MCCC1: variants seen among roughly 807,000 people sequenced by gnomAD.
MCCC1 encodes methylcrotonyl-CoA carboxylase subunit 1.
A neutral mutation model predicts 83.8 loss-of-function variants in MCCC1; 64 were observed. The ratio of observed to expected loss-of-function variants is 0.76; its 90% CI spans 0.62 to 0.94. The LOEUF is 0.94. MCCC1 is among the 40% of genes least tolerant of loss of function. The probability of loss-of-function intolerance (pLI) is 0.00; values close to 1 mark genes in which losing one functional copy is unlikely to be tolerated. For synonymous variants in MCCC1, 322 were observed against 315.4 expected (o/e 1.02, Z -0.22); for missense variants, 807 against 904.7 (o/e 0.89, Z 1.39).
At chr3:183,097,874 A>G (rs1472961673) in intron 1 of MCCC1, among the ~76,000 whole-genome samples, 10 of 152,116 alleles carry the variant, frequency 6.6e-5, no homozygotes, top group Admixed American at 5.9e-4. Context: ...CCAGAAGAAC[A>G]AGAAGAACAT....
intron 8 of MCCC1, 77 bp from the exon 9 acceptor site, chr3:183,052,317 A>C: frequency 8.0e-7 from 1 of 1,250,672 alleles, no homozygotes; most frequent in Admixed American, 1.7e-5. Context: ...CAATTCAGTC[A>C]GGTGCCACAT....
chr3:183,109,925 G>T (rs1165683948), intron 1 of MCCC1, among the ~76,000 whole-genome samples: 1 of 152,050 alleles, frequency 6.6e-6, no homozygotes, highest in Non-Finnish European at 1.5e-5. Context: ...TTATGTTTTT[G>T]ACTTTTTAAT....
chr3:183,106,096 A>AAAAAAAAAAAAAAAAAAC (rs60153007), intron 1 of MCCC1, among the ~76,000 whole-genome samples: 1 of 151,138 alleles, frequency 6.6e-6, no homozygotes, highest in African/African-American at 2.4e-5. Context: ...AAAAAAAAAA[A>AAAAAAAAAAAAAAAAAAC]GACTACCAAA....
chr3:183,052,332 A>G (rs1218131309), intron 8 of MCCC1, 92 bp from the exon 9 acceptor site: 12 of 1,117,662 alleles, frequency 1.1e-5, no homozygotes, highest in Admixed American at 1.8e-5. Context: ...CCACATAATG[A>G]CGTTTCTTAG....
At chr3:183,032,699 C>T (rs1713178913) in intron 14 of MCCC1, among the ~76,000 whole-genome samples, 2 of 151,894 alleles carry the variant, frequency 1.3e-5, no homozygotes, top group African/African-American at 2.4e-5. Context: ...ATGGTGAAAC[C>T]CTGTCTCTAC....
At chr3:183,040,178 A>G (rs1475867305) in intron 11 of MCCC1, among the ~76,000 whole-genome samples, 1 of 151,526 alleles carries the variant, frequency 6.6e-6, no homozygotes, top group African/African-American at 2.4e-5. Flanking sequence ...TAAGTTAAAA[A>G]GTCTACTAAC....
At chr3:183,094,157 T>C (rs1718572668) in intron 2 of MCCC1, among the ~76,000 whole-genome samples, 1 of 151,466 alleles carries the variant, frequency 6.6e-6, no homozygotes, top group Non-Finnish European at 1.5e-5. Context: ...CAAGCAATTC[T>C]CCTGCCTCAG....
intron 14 of MCCC1, among the ~76,000 whole-genome samples, chr3:183,026,761 G>T (rs1384833605): frequency 6.6e-6 from 1 of 152,164 alleles, no homozygotes; most frequent in Non-Finnish European, 1.5e-5. Context: ...GGTTGAGAAT[G>T]GAATCTGCCA....
At chr3:183,087,360 A>T (rs1717967169) in intron 3 of MCCC1, among the ~76,000 whole-genome samples, 1 of 152,220 alleles carries the variant, frequency 6.6e-6, no homozygotes, top group Non-Finnish European at 1.5e-5. Flanking sequence ...ACTACGTGCC[A>T]CACTTTGAGG....
At chr3:183,087,644 G>A (rs751456822) in intron 3 of MCCC1, among the ~76,000 whole-genome samples, 2 of 152,000 alleles carry the variant, frequency 1.3e-5, no homozygotes, top group Non-Finnish European at 2.9e-5. Context: ...CAAGGCGGGC[G>A]GATCATGAGG....
chr3:183,015,261 A>G lies in MCCC1; in HGVS notation c.*177T>C. 1.4e-6 allele frequency: 1 copy of G among 695,182 alleles called. No homozygotes were observed. The highest frequency in any genetic ancestry group is 2.5e-6 in the Non-Finnish European group (1 of 396,170). 43.1% of individuals were successfully genotyped at this position (695,182 alleles called of 1,614,324 possible). Reference sequence around the variant, plus strand: ...TAATTCAACTTTATTAGTATGAAATATTTTGAGATAATTAGTGACCCAAAT... The same window carrying G: ...TAATTCAACTTTATTAGTATGAAATGTTTTGAGATAATTAGTGACCCAAAT... On this transcript the variant is annotated 3_prime_UTR_variant, in exon 19 of 19. Transcript: ENST00000265594.
At chr3:183,086,984 T>A (rs555014231) in intron 3 of MCCC1, among the ~76,000 whole-genome samples, 196 bp from the exon 4 acceptor site, 4 of 152,348 alleles carry the variant, frequency 2.6e-5, no homozygotes, top group Non-Finnish European at 5.9e-5. Flanking sequence ...ATCTTTTGCA[T>A]GAAGAGGGTA....
intron 13 of MCCC1, among the ~76,000 whole-genome samples, chr3:183,034,312 A>G (rs766069729): frequency 5.9e-5 from 9 of 152,086 alleles, no homozygotes; most frequent in East Asian, 1.9e-4. Flanking sequence ...TTAGCTGGGC[A>G]TGGTGACGGG....
At chr3:183,017,209 C>T in intron 18 of MCCC1, 57 bp downstream of exon 18, 1 of 1,443,482 alleles carries the variant, frequency 6.9e-7, no homozygotes, top group Non-Finnish European at 9.7e-7. Flanking sequence ...GCAAAAGAAC[C>T]ATTAGGTATG....
rs531074823 is a variant in MCCC1 at position 183,082,529 on chromosome 3, G to C, written c.369+4164C>G. Among the ~76,000 whole-genome samples the C allele has an allele frequency of 1.6e-4, 24 of 152,308 alleles. No individual in the cohort carries two copies. In the South Asian group the frequency reaches 4.8e-3, roughly 30 times the overall value. The stretch of plus-strand genomic sequence containing the variant: ...CAACTCAAGAATCAAAACATCACAA[G>C]CATTCCAGAGACTGCTTTATGCTTC... On this transcript the variant is annotated intron_variant, in intron 4 of 18. Coordinates refer to ENST00000265594, the MANE Select transcript of MCCC1 (RefSeq NM_020166.5).
At chr3:183,080,092 C>CT (rs1279624165) in intron 4 of MCCC1, among the ~76,000 whole-genome samples, 12 of 152,200 alleles carry the variant, frequency 7.9e-5, no homozygotes, top group Non-Finnish European at 1.6e-4. Context: ...ATGAAGACCT[C>CT]TGACATGCCC....
intron 10 of MCCC1, among the ~76,000 whole-genome samples, chr3:183,042,794 C>T (rs918350383): frequency 7.9e-5 from 12 of 152,210 alleles, no homozygotes; most frequent in Non-Finnish European, 1.8e-4. Flanking sequence ...AGAAAAGTGT[C>T]TGGCATACAG....
chr3:183,025,386 A>T (rs1196721538), intron 15 of MCCC1, among the ~76,000 whole-genome samples: 2 of 152,266 alleles, frequency 1.3e-5, no homozygotes, highest in Non-Finnish European at 2.9e-5. Context: ...TAATTAACAC[A>T]AACCAAAGTG....
chr3:183,107,599 G>A (rs922776490), intron 1 of MCCC1, among the ~76,000 whole-genome samples: 2 of 151,820 alleles, frequency 1.3e-5, no homozygotes, highest in African/African-American at 2.4e-5. Flanking sequence ...CTGGAGTGCA[G>A]TGGTGTAATC....
Sources: gnomAD v4.1 joint callset for allele counts (sites outside exome capture counted in the v4.1 genomes callset) on GRCh38, gnomAD v4.1.1 for gene constraint, MANE v1.5 for transcripts, NCBI Gene and HGNC (gene_info 2026-07-23, HGNC 2026-07-21) for gene names.